Variants in LIMD1 observed in about 807,000 individuals in gnomAD.
The protein encoded by LIMD1 is LIM domain containing 1, also known as LIM domain-containing protein 1.
In LIMD1, 23 loss-of-function variants were observed where a neutral mutation model predicts 58.4. The observed-to-expected ratio is 0.39, with a 90% CI of 0.28 to 0.56. LIMD1 has a LOEUF of 0.56. Ranked by LOEUF, LIMD1 falls within the 20% of genes least tolerant of loss-of-function variation. The pLI is 0.57. For missense variants in LIMD1, 838 were observed against 855.5 expected, an observed-to-expected ratio of 0.98 and a Z score of 0.25; for synonymous variants, 334 against 345.5, an observed-to-expected ratio of 0.97 and a Z score of 0.37.
At position 45,653,171 on chromosome 3, in the gene LIMD1, G is replaced by A. The variant is rs560265516; in HGVS notation, c.1511-12479G>A. Reference sequence around the variant, plus strand: ...TGACAGATGGAAATTAAAAACAAAAGCCTCCCATACCTAGCCCTTTGCCAC... The same window carrying A: ...TGACAGATGGAAATTAAAAACAAAAACCTCCCATACCTAGCCCTTTGCCAC... On this transcript the variant is annotated intron_variant, in intron 2 of 7. Coordinates refer to ENST00000273317, the MANE Select transcript of LIMD1 (RefSeq NM_014240.3). 5.3e-5 allele frequency among the ~76,000 whole-genome samples: 8 copies of A among 152,328 alleles called. No individual in the cohort carries two copies. The East Asian group carries it at 9.6e-4, about 18-fold the overall frequency.
In LIMD1 at chr3:45,595,687, C is replaced by T. The variant is rs531528592; in HGVS notation, c.808C>T (p.Arg270Trp). Reference protein sequence around the residue: ...TGLWSTASSQRVSPGLPSPNL... With the variant: ...TGLWSTASSQWVSPGLPSPNL... ...CCTTTGGTCCACTGCCTCCTCCCAG[C>T]GGGTGAGCCCTGGCCTGCCTTCCCC... Residue 270 changes from arginine to tryptophan, a missense_variant, in exon 1 of 8, where the codon CGG becomes TGG. By Grantham distance (101) the Arg-to-Trp change is moderately radical (BLOSUM62 -3). This residue lies in a region of LIMD1 where 659 missense variants were observed against 639.8 expected (regional missense o/e 1.03). Coordinates refer to ENST00000273317, the MANE Select transcript of LIMD1 (RefSeq NM_014240.3). 1.2e-5 allele frequency: 19 copies of T among 1,614,186 alleles called. No homozygotes were observed. Among genetic ancestry groups the T allele is most frequent in the Non-Finnish European group, 1.4e-5 (17 of 1,180,044 alleles).
chr3:45,619,825 C>T (rs1296329574), intron 1 of LIMD1, among the ~76,000 whole-genome samples: 1 of 36,254 alleles, frequency 2.8e-5, no homozygotes, highest in Non-Finnish European at 4.6e-5. Flanking sequence ...TAACCAACCC[C>T]CCGCCCCCCC....
intron 2 of LIMD1, among the ~76,000 whole-genome samples, chr3:45,659,443 G>C (rs1697396302): frequency 6.6e-6 from 1 of 152,006 alleles, no homozygotes; most frequent in South Asian, 2.1e-4. Context: ...CAAAAATTAG[G>C]CAGTTGTGGT....
intron 1 of LIMD1, among the ~76,000 whole-genome samples, chr3:45,627,940 G>A (rs901677157): frequency 6.7e-5 from 10 of 149,784 alleles, no homozygotes; most frequent in Non-Finnish European, 2.9e-5. Flanking sequence ...CCTGGGAGGC[G>A]GAGGTTGCAG....
rs764987197 is a variant in LIMD1, at chr3:45,665,740, C to A, written c.1578+23C>A. On this transcript the variant is annotated intron_variant, in intron 3 of 7. Coordinates refer to ENST00000273317, the MANE Select transcript of LIMD1 (RefSeq NM_014240.3). ...CTGGTGAGTGTGTCACCGAAGCCTC[C>A]CCTTGCATGTCCTGGCCAGAGTCAG... The A allele has an allele frequency of 3.4e-5, 55 of 1,608,770 alleles. No individual in the cohort carries two copies. In the South Asian group the frequency reaches 6.0e-4, roughly 18 times the overall value.
Position 45,682,870 on chromosome 3 carries a change from T to G in LIMD1, c.*5811T>G, listed in dbSNP as rs1697761706. ...GTTTCCTATGGCCACTCTTAACAAA[T>G]TACCACAACCTCAGTGGCTTAAAAC... On this transcript the variant is annotated 3_prime_UTR_variant, in exon 8 of 8. Transcript: ENST00000273317. 6.6e-6 allele frequency: 1 copy of G among 152,262 alleles called. No homozygotes were observed. The highest frequency in any genetic ancestry group is 6.5e-5 in the Admixed American group (1 of 15,280). 9.4% of individuals were successfully genotyped at this position (152,262 alleles called of 1,614,324 possible). A position where few individuals can be genotyped will look rare whatever the true frequency, so the allele number is the denominator to read the frequency against.
rs1322367656 is a variant in LIMD1 at position 45,676,995 on chromosome 3, C to G, written c.1967C>G (p.Ser656Cys). Residue 656 changes from serine (S) to cysteine (C), a missense_variant, in exon 8 of 8, where the codon TCC (serine) becomes TGC (cysteine). Coordinates refer to ENST00000273317, the MANE Select transcript of LIMD1 (RefSeq NM_014240.3). The stretch of plus-strand genomic sequence containing the variant: ...CTGGAGGACCACCTGTTCTGTCACT[C>G]CTGCCACGTGAAGAGGCTGGAGAAG... ...YPLEDHLFCHSCHVKRLEKRP... is the reference protein window; with the variant it reads ...YPLEDHLFCHCCHVKRLEKRP... 3 of 1,614,178 alleles carry G rather than the reference C, an allele frequency of 1.9e-6. No homozygotes were observed. In the South Asian group the frequency reaches 3.3e-5, roughly 18 times the overall value.
chr3:45,670,633 C>A (rs1013912745), intron 4 of LIMD1, among the ~76,000 whole-genome samples: 3 of 152,212 alleles, frequency 2.0e-5, no homozygotes, highest in Non-Finnish European at 4.4e-5. Context: ...TACCAGTCTT[C>A]TTAAGCCTTT....
At chr3:45,650,419 G>A (rs1701955866) in intron 2 of LIMD1, among the ~76,000 whole-genome samples, 1 of 151,964 alleles carries the variant, frequency 6.6e-6, no homozygotes, top group Admixed American at 6.6e-5. Context: ...CATGTGCCAT[G>A]TTGGCTTACT....
intron 2 of LIMD1, among the ~76,000 whole-genome samples, chr3:45,659,475 C>G (rs1697396596): frequency 6.6e-6 from 1 of 152,104 alleles, no homozygotes; most frequent in African/African-American, 2.4e-5. Context: ...GTAGCCCTAT[C>G]TACTCAGGAG....
chr3:45,603,650 G>T (rs547012503), intron 1 of LIMD1, among the ~76,000 whole-genome samples: 2 of 152,188 alleles, frequency 1.3e-5, no homozygotes, highest in Non-Finnish European at 2.9e-5. Context: ...CAATCCTTTA[G>T]ACATCGGGCA....
chr3:45,628,271 C>G lies in LIMD1; in HGVS notation c.1409-7879C>G, dbSNP rs1050792245. ...GGACTCTAGCAAAACCTTTGTGAAG[C>G]AATATCTGATAAAGAACTTGTATCT... is the stretch of plus-strand genomic sequence containing the variant. On this transcript the variant is annotated intron_variant, in intron 1 of 7. Coordinates refer to ENST00000273317, the MANE Select transcript of LIMD1 (RefSeq NM_014240.3). Among the ~76,000 whole-genome samples the G allele has an allele frequency of 4.8e-4, 73 of 151,868 alleles. 1 individual carries two copies. Among genetic ancestry groups the G allele is most frequent in the African/African-American group, 1.7e-3 (72 of 41,314 alleles).
intron 1 of LIMD1, among the ~76,000 whole-genome samples, chr3:45,620,338 T>G (rs1023890491): frequency 1.3e-5 from 2 of 152,022 alleles, no homozygotes; most frequent in Non-Finnish European, 2.9e-5. Flanking sequence ...GAGAATAAAA[T>G]AAATATCCAC....
intron 2 of LIMD1, among the ~76,000 whole-genome samples, chr3:45,645,164 G>A (rs1015657538): frequency 6.6e-6 from 1 of 152,214 alleles, no homozygotes; most frequent in South Asian, 2.1e-4. Flanking sequence ...GGGCTGCAGG[G>A]ATCGGAAGAG....
chr3:45,632,583 G>T (rs1701746224), intron 1 of LIMD1: 1 of 978,956 alleles, frequency 1.0e-6, no homozygotes, highest in Non-Finnish European at 1.2e-6. Context: ...AAAGGACTGT[G>T]CAGGGAACTA....
intron 2 of LIMD1, among the ~76,000 whole-genome samples, chr3:45,641,068 C>T (rs1219686762): frequency 6.6e-6 from 1 of 152,226 alleles, no homozygotes; most frequent in Non-Finnish European, 1.5e-5. Flanking sequence ...AGCTCTGTGT[C>T]TCAGCTCTGC....
At chr3:45,617,335 C>G (rs1351511869) in intron 1 of LIMD1, among the ~76,000 whole-genome samples, 1 of 152,202 alleles carries the variant, frequency 6.6e-6, no homozygotes, top group Non-Finnish European at 1.5e-5. Context: ...GTGTGAGCCA[C>G]TGCACCAGTC....
intron 3 of LIMD1, 78 bp downstream of exon 3, chr3:45,665,795 G>A: frequency 8.2e-7 from 1 of 1,223,768 alleles, no homozygotes; most frequent in Non-Finnish European, 1.2e-6. Flanking sequence ...ACCTGGGCCA[G>A]CGTGTAGGGA....
chr3:45,647,664 C>G (rs1701920633), intron 2 of LIMD1, among the ~76,000 whole-genome samples: 1 of 152,236 alleles, frequency 6.6e-6, no homozygotes, highest in African/African-American at 2.4e-5. Context: ...CCAGTCTGGT[C>G]TCTGGGCACA....
Sources: gnomAD v4.1 joint callset for allele counts (sites outside exome capture counted in the v4.1 genomes callset) on GRCh38, gnomAD v4.1.1 for gene constraint, gnomAD v4.1.1 regional missense constraint, MANE v1.5 for transcripts, NCBI Gene and HGNC (gene_info 2026-07-23, HGNC 2026-07-21) for gene names.